The following KIAA1217 variants were observed in gnomAD, a reference collection of about 807,000 sequenced individuals.
KIAA1217 encodes the protein sickle tail protein homolog.
A neutral mutation model predicts 163.9 loss-of-function variants in KIAA1217; 88 were observed. The ratio of observed to expected loss-of-function variants is 0.54; its 90% CI spans 0.45 to 0.64. The LOEUF is 0.64. KIAA1217 is among the 30% of genes least tolerant of loss of function. The pLI, the probability that KIAA1217 is intolerant of heterozygous loss-of-function variation, is 0.00. For missense variants in KIAA1217, 2,372 were observed against 2,475.0 expected (o/e 0.96, Z 0.88); for synonymous variants, 903 against 923.1 (o/e 0.98, Z 0.39).
rs116884009 is a variant in KIAA1217, at chr10:24,239,654, A to G, written c.354+19745A>G. Among the ~76,000 whole-genome samples the G allele has an allele frequency of 2.8e-3, 418 of 150,974 alleles. 4 individuals are homozygous for G. The East Asian group carries it at 0.054, about 20-fold the overall frequency. ...ATCTGAAAATTGAGATGCTCCATGT[A>G]TTTCTTATTTATTCCCAGATGTGTG... On this transcript the variant is annotated intron_variant, in intron 2 of 20. Coordinates refer to ENST00000376454, the MANE Select transcript of KIAA1217 (RefSeq NM_019590.5).
chr10:24,052,400 TA>T (rs1849579771), intron 2 of KIAA1217, among the ~76,000 whole-genome samples: 1 of 152,182 alleles, frequency 6.6e-6, no homozygotes, highest in Admixed American at 6.5e-5. Flanking sequence ...TCTATTTTTA[TA>T]AATATTTTCC....
At chr10:24,405,877 A>T (rs748521731) in intron 3 of KIAA1217, among the ~76,000 whole-genome samples, 3 of 152,198 alleles carry the variant, frequency 2.0e-5, no homozygotes, top group Non-Finnish European at 4.4e-5. Context: ...GAGCATAATG[A>T]ATATGGAAAT....
chr10:24,278,354 T>C (rs2077537835), intron 2 of KIAA1217, among the ~76,000 whole-genome samples: 1 of 152,190 alleles, frequency 6.6e-6, no homozygotes, highest in Non-Finnish European at 1.5e-5. Context: ...AGCAGGAATT[T>C]TGAAATTACA....
intron 2 of KIAA1217, among the ~76,000 whole-genome samples, chr10:24,249,603 C>G (rs995599936): frequency 1.3e-5 from 2 of 152,178 alleles, no homozygotes; most frequent in African/African-American, 4.8e-5. Context: ...TGTCTTTATT[C>G]ATGCCAATGC....
intron 1 of KIAA1217, among the ~76,000 whole-genome samples, chr10:24,000,280 G>A (rs1846678424): frequency 6.6e-6 from 1 of 152,204 alleles, no homozygotes; most frequent in Non-Finnish European, 1.5e-5. Flanking sequence ...GAAGCAGTGG[G>A]AGGTAATTGA....
intron 8 of KIAA1217, 140 bp downstream of exon 8, chr10:24,495,336 C>A (rs550895779): frequency 3.1e-6 from 2 of 635,078 alleles, no homozygotes; most frequent in South Asian, 2.4e-5. Flanking sequence ...CCTGCCAATA[C>A]TGAAATTCCA....
Position 24,474,001 on chromosome 10 carries a change from A to G in KIAA1217, c.1620A>G (p.Leu540=), listed in dbSNP as rs1459556490. ...GCCTTGTAGACCTCGGCCCTCCTCT[A>G]ATGGAGAAGCAAGTTTTTGCCTACA... The part of the protein sequence containing the change: ...LSSLVDLGPP[L]MEKQVFAYST... Residue 540 remains leucine, a synonymous_variant, in exon 6 of 21, where the codon CTA becomes CTG. Transcript: ENST00000376454. The G allele has an allele frequency of 6.2e-7, 1 of 1,612,206 alleles. No individual in the cohort carries two copies. Among genetic ancestry groups the G allele is most frequent in the African/African-American group, 1.3e-5 (1 of 74,626 alleles).
chr10:24,453,645 G>T (rs1295133222), intron 5 of KIAA1217, among the ~76,000 whole-genome samples: 3 of 152,224 alleles, frequency 2.0e-5, no homozygotes, highest in African/African-American at 7.2e-5. Flanking sequence ...AGCTCCTGCA[G>T]TTATGCTGTT....
In KIAA1217 at chr10:24,144,523, A is replaced by G. The variant is rs2064221907; in HGVS notation, c.-170-75103A>G. On this transcript the variant is annotated intron_variant, in intron 2 of 18. Coordinates refer to the KIAA1217 transcript ENST00000376462. Reference sequence around the variant, plus strand: ...TTGACTTAATTTTGTGATTCCTGCAAATTCCCAAAGGGAAAGTAATCTAAC... The same window carrying G: ...TTGACTTAATTTTGTGATTCCTGCAGATTCCCAAAGGGAAAGTAATCTAAC... Among the ~76,000 whole-genome samples, 3 of 152,370 alleles carry G rather than the reference A, an allele frequency of 2.0e-5. No individual in the cohort carries two copies. The South Asian group carries it at 6.2e-4, about 32-fold the overall frequency.
At chr10:23,999,543 G>A (rs1213187909) in intron 1 of KIAA1217, among the ~76,000 whole-genome samples, 1 of 152,136 alleles carries the variant, frequency 6.6e-6, no homozygotes, top group Non-Finnish European at 1.5e-5. Flanking sequence ...GGACACTGGT[G>A]GCCAGGGATG....
intron 2 of KIAA1217, among the ~76,000 whole-genome samples, chr10:24,359,082 C>CTTTTTTTTTTTTTTTTTT (rs202024336): frequency 9.8e-5 from 8 of 81,532 alleles, no homozygotes; most frequent in African/African-American, 1.5e-4. Flanking sequence ...TTCTTTCTTT[C>CTTTTTTTTTTTTTTTTTT]TTTTTTTTTT....
chr10:23,938,492 T>C (rs764383600), intron 1 of KIAA1217, among the ~76,000 whole-genome samples: 3 of 150,882 alleles, frequency 2.0e-5, no homozygotes, highest in Non-Finnish European at 4.4e-5. Context: ...ACCAAAAATA[T>C]TGAAAAATTT....
At position 24,546,152 on chromosome 10, in the gene KIAA1217, C is replaced by T. The variant is rs145798344; in HGVS notation, c.5660C>T (p.Ala1887Val). The change falls in exon 21 of 21, where the codon GCA becomes GTA. Residue 1887 changes from alanine (A) to valine (V), a missense_variant. Coordinates refer to ENST00000376454, the MANE Select transcript of KIAA1217 (RefSeq NM_019590.5). ...TCACCGCAGAGTCAAAATGGCCGAGCACCCCCTCCTTTGTCATTTTCCTCC... is the reference window on the plus strand; with the variant it reads ...TCACCGCAGAGTCAAAATGGCCGAGTACCCCCTCCTTTGTCATTTTCCTCC... Reference protein sequence around the residue: ...SFSPQSQNGRAPPPLSFSSSP... With the variant: ...SFSPQSQNGRVPPPLSFSSSP... The T allele has an allele frequency of 3.6e-5, 58 of 1,614,110 alleles. No homozygotes were observed. In the African/African-American group the frequency reaches 6.3e-4, roughly 17 times the overall value.
intron 1 of KIAA1217, among the ~76,000 whole-genome samples, chr10:23,719,907 C>T (rs748222917): frequency 4.0e-5 from 6 of 151,800 alleles, no homozygotes; most frequent in East Asian, 3.9e-4. Flanking sequence ...AGTGAGACTC[C>T]GCCTCAAACA....
intron 2 of KIAA1217, among the ~76,000 whole-genome samples, chr10:24,375,805 A>T (rs1351219144): frequency 6.6e-6 from 1 of 152,220 alleles, no homozygotes; most frequent in Non-Finnish European, 1.5e-5. Flanking sequence ...AATAGAACGT[A>T]ATCTGAAGCA....
intron 2 of KIAA1217, among the ~76,000 whole-genome samples, chr10:24,093,723 A>G (rs2062031294): frequency 6.6e-6 from 1 of 150,850 alleles, no homozygotes; most frequent in Non-Finnish European, 1.5e-5. Flanking sequence ...ATATGTATAC[A>G]TGTGCCATGC....
chr10:24,299,176 C>T (rs919430902), intron 2 of KIAA1217, among the ~76,000 whole-genome samples: 9 of 152,080 alleles, frequency 5.9e-5, no homozygotes, highest in African/African-American at 1.7e-4. Context: ...AGAAGTTGAC[C>T]GAGTTTTCTA....
intron 2 of KIAA1217, among the ~76,000 whole-genome samples, chr10:24,136,282 T>C (rs1248539842): frequency 6.6e-6 from 1 of 152,184 alleles, no homozygotes; most frequent in Non-Finnish European, 1.5e-5. Flanking sequence ...GCAAAGATAC[T>C]TCTGAGTCAT....
intron 3 of KIAA1217, among the ~76,000 whole-genome samples, chr10:24,419,027 A>G (rs1161333845): frequency 1.3e-5 from 2 of 151,988 alleles, no homozygotes; most frequent in Non-Finnish European, 2.9e-5. Flanking sequence ...AAATACAAAA[A>G]TTAGCTGAGT....
Sources: allele counts gnomAD v4.1 joint callset (sites outside exome capture counted in the v4.1 genomes callset), GRCh38; gene constraint gnomAD v4.1.1; transcripts MANE v1.5; gene names NCBI Gene and HGNC (gene_info 2026-07-23, HGNC 2026-07-21).